Variants in SLC4A10 observed in about 807,000 individuals in gnomAD.
The protein encoded by SLC4A10 is solute carrier family 4 member 10, also known as sodium-driven chloride bicarbonate exchanger.
A neutral mutation model predicts 137.7 loss-of-function variants in SLC4A10; 42 were observed. The observed-to-expected ratio is 0.30, with a 90% CI of 0.24 to 0.39. SLC4A10 has a LOEUF of 0.39. Ranked by LOEUF, SLC4A10 falls within the 10% of genes least tolerant of loss-of-function variation. SLC4A10 has a pLI of 1.00. For missense variants in SLC4A10, 925 were observed against 1,355.0 expected, an observed-to-expected ratio of 0.68 and a Z score of 4.98; for synonymous variants, 474 against 464.1, an observed-to-expected ratio of 1.02 and a Z score of -0.27.
At chr2:161,801,617 G>T (rs10177786) in intron 2 of SLC4A10, among the ~76,000 whole-genome samples, 1 of 151,962 alleles carries the variant, frequency 6.6e-6, no homozygotes, top group Non-Finnish European at 1.5e-5. Flanking sequence ...CACTTTTGAC[G>T]CTTTCTTCAA....
chr2:161,961,547 CTTT>C (rs34418446), intron 21 of SLC4A10, among the ~76,000 whole-genome samples: 28 of 137,422 alleles, frequency 2.0e-4, no homozygotes, highest in Middle Eastern at 3.8e-3. Context: ...TTCTTTTTCC[CTTT>C]TTTTTTTTTT....
chr2:161,698,455 G>A (rs1177416139), intron 1 of SLC4A10, among the ~76,000 whole-genome samples: 2 of 152,144 alleles, frequency 1.3e-5, no homozygotes, highest in Non-Finnish European at 2.9e-5. Context: ...GTCATAAATA[G>A]CTCTTATTAT....
chr2:161,903,221 G>A (rs1314704523), intron 12 of SLC4A10, among the ~76,000 whole-genome samples: 1 of 152,150 alleles, frequency 6.6e-6, no homozygotes, highest in African/African-American at 2.4e-5. Context: ...TTTCAACATG[G>A]TTTTGAATAT....
intron 1 of SLC4A10, among the ~76,000 whole-genome samples, chr2:161,728,437 ATGGTGGTG>A (rs2046457484): frequency 3.3e-5 from 5 of 151,810 alleles, no homozygotes; most frequent in African/African-American, 9.7e-5. Flanking sequence ...TTAGCTGGGC[ATGGTGGTG>A]TGCCCCTGTA....
chr2:161,686,244 A>T (rs1401577216), intron 1 of SLC4A10, among the ~76,000 whole-genome samples: 1 of 152,234 alleles, frequency 6.6e-6, no homozygotes, highest in Non-Finnish European at 1.5e-5. Context: ...GATATGAAAG[A>T]TGAAGTTTTA....
chr2:161,949,268 A>T lies in SLC4A10; in HGVS notation c.2379+7A>T, dbSNP rs1156777711. The T allele has an allele frequency of 3.9e-6, 6 of 1,537,068 alleles. No homozygotes were observed. The East Asian group carries it at 1.1e-4, about 29-fold the overall frequency. ...AGTACCAAGTGTTTTCAAGGTACTT[A>T]CTATCTCTCTCCCTCTTCCCATCTC... is the stretch of plus-strand genomic sequence containing the variant. On this transcript the variant is annotated splice_region_variant and intron_variant, in intron 18 of 26. Coordinates refer to ENST00000446997, the MANE Select transcript of SLC4A10 (RefSeq NM_001178015.2).
At chr2:161,683,110 C>A (rs2041040354) in intron 1 of SLC4A10, among the ~76,000 whole-genome samples, 1 of 152,058 alleles carries the variant, frequency 6.6e-6, no homozygotes, top group Non-Finnish European at 1.5e-5. Flanking sequence ...AGTGTGAATA[C>A]AGGGTGCATG....
intron 1 of SLC4A10, among the ~76,000 whole-genome samples, chr2:161,720,114 G>C (rs912103028): frequency 6.6e-6 from 1 of 152,114 alleles, no homozygotes; most frequent in Non-Finnish European, 1.5e-5. Flanking sequence ...TCTACATATG[G>C]CTAGCCCGTT....
chr2:161,806,655 C>A (rs2055996800), intron 3 of SLC4A10, among the ~76,000 whole-genome samples: 1 of 152,150 alleles, frequency 6.6e-6, no homozygotes, highest in African/African-American at 2.4e-5. Flanking sequence ...CAGTTCCCAA[C>A]ACGTTCTTCA....
intron 1 of SLC4A10, among the ~76,000 whole-genome samples, chr2:161,659,566 C>A (rs1388587709): frequency 6.6e-6 from 1 of 151,996 alleles, no homozygotes; most frequent in Non-Finnish European, 1.5e-5. Context: ...GTGATGGACA[C>A]ACTGAAAGCT....
chr2:161,859,848 C>T (rs983705083), intron 5 of SLC4A10, among the ~76,000 whole-genome samples: 3 of 152,172 alleles, frequency 2.0e-5, no homozygotes, highest in Admixed American at 2.0e-4. Context: ...GATCCGCCCG[C>T]CTCGGCCTCC....
rs781303491 is a variant in SLC4A10 at position 161,942,856 on chromosome 2, A to G, written c.2062A>G (p.Ile688Val). The G allele has an allele frequency of 9.4e-6, 15 of 1,603,938 alleles. No homozygotes were observed. The highest frequency in any genetic ancestry group is 1.1e-5 in the Non-Finnish European group (13 of 1,174,984). Residue 688 changes from isoleucine (I) to valine (V), a missense_variant, in exon 16 of 27, where the codon ATT becomes GTT. Coordinates refer to ENST00000446997, the MANE Select transcript of SLC4A10 (RefSeq NM_001178015.2). ...ATTGAAGGAATGGAGGGAATCCAATATTTCTGCCTCTGACATAATTTGGGA... is the reference window on the plus strand; with the variant it reads ...ATTGAAGGAATGGAGGGAATCCAATGTTTCTGCCTCTGACATAATTTGGGA... Reference protein sequence around the residue: ...GTLKEWRESNISASDIIWENL... With the variant: ...GTLKEWRESNVSASDIIWENL...
intron 5 of SLC4A10, among the ~76,000 whole-genome samples, chr2:161,856,951 A>G (rs977285533): frequency 2.0e-5 from 3 of 152,188 alleles, no homozygotes; most frequent in Admixed American, 2.0e-4. Flanking sequence ...AATGGGAAAC[A>G]AAACTGTCAC....
chr2:161,724,158 T>A (rs1398242574), intron 1 of SLC4A10, among the ~76,000 whole-genome samples: 1 of 152,178 alleles, frequency 6.6e-6, no homozygotes, highest in Non-Finnish European at 1.5e-5. Flanking sequence ...TTGTAACCAT[T>A]TCTTAACTGG....
chr2:161,739,693 A>T (rs568310685), intron 1 of SLC4A10, among the ~76,000 whole-genome samples: 1 of 152,298 alleles, frequency 6.6e-6, no homozygotes, highest in Non-Finnish European at 1.5e-5. Context: ...GTGTAGCCCC[A>T]TAGCCATAAG....
chr2:161,906,397 C>T (rs554473843), intron 15 of SLC4A10, among the ~76,000 whole-genome samples: 2 of 152,230 alleles, frequency 1.3e-5, no homozygotes, highest in South Asian at 2.1e-4. Context: ...GCACTTGTGA[C>T]ATTTTGATGG....
At chr2:161,928,583 A>AC (rs1559554383) in intron 15 of SLC4A10, among the ~76,000 whole-genome samples, 1 of 149,556 alleles carries the variant, frequency 6.7e-6, no homozygotes, top group African/African-American at 2.5e-5. Flanking sequence ...AAAAAAAAAA[A>AC]CAAACTTCTC....
intron 5 of SLC4A10, among the ~76,000 whole-genome samples, chr2:161,857,920 C>T (rs546859151): frequency 1.3e-5 from 2 of 152,056 alleles, no homozygotes; most frequent in Non-Finnish European, 2.9e-5. Context: ...CTATGTTGCC[C>T]AGGCTGGTCT....
intron 1 of SLC4A10, among the ~76,000 whole-genome samples, chr2:161,690,398 G>A (rs2041860247): frequency 6.6e-6 from 1 of 152,122 alleles, no homozygotes; most frequent in African/African-American, 2.4e-5. Flanking sequence ...ATTCCTTAAA[G>A]ACCTAGAACC....
Sources: gnomAD v4.1 joint callset for allele counts (sites outside exome capture counted in the v4.1 genomes callset) on GRCh38, gnomAD v4.1.1 for gene constraint, MANE v1.5 for transcripts, NCBI Gene and HGNC (gene_info 2026-07-23, HGNC 2026-07-21) for gene names.